ADK: variants seen among roughly 807,000 people sequenced by gnomAD.
The protein encoded by ADK is adenosine kinase.
A neutral mutation model predicts 44.7 loss-of-function variants in ADK; 24 were observed. The ratio of observed to expected loss-of-function variants is 0.54; its 90% confidence interval spans 0.39 to 0.76. The LOEUF is 0.76. Among genes scored for constraint, ADK ranks in the 30% least tolerant of loss-of-function variants. ADK has a pLI of 0.00. For missense variants in ADK, 321 were observed against 425.1 expected (o/e 0.76, Z 2.15); for synonymous variants, 128 against 142.6 (o/e 0.90, Z 0.73).
At chr10:74,546,597 A>G (rs1203371317) in intron 7 of ADK, among the ~76,000 whole-genome samples, 1 of 152,186 alleles carries the variant, frequency 6.6e-6, no homozygotes, top group Non-Finnish European at 1.5e-5. Context: ...CTAAATTTTA[A>G]GTTAGATCAT....
chr10:74,597,327 A>G (rs993755977), intron 8 of ADK, among the ~76,000 whole-genome samples: 6 of 152,210 alleles, frequency 3.9e-5, no homozygotes, highest in African/African-American at 1.4e-4. Context: ...CACCCAGTTT[A>G]CCCTAATATT....
chr10:74,201,095 A>G (rs185926184), intron 2 of ADK, among the ~76,000 whole-genome samples: 1 of 152,278 alleles, frequency 6.6e-6, no homozygotes, highest in African/African-American at 2.4e-5. Context: ...AGTTTATATA[A>G]TTTACCTAAT....
At chr10:74,509,196 A>T (rs1034397027) in intron 6 of ADK, among the ~76,000 whole-genome samples, 25 of 144,702 alleles carry the variant, frequency 1.7e-4, no homozygotes, top group African/African-American at 6.3e-4. Context: ...ATACATTATG[A>T]TTTTTTTTTT....
intron 3 of ADK, among the ~76,000 whole-genome samples, chr10:74,271,331 A>G: frequency 6.6e-6 from 1 of 152,006 alleles, no homozygotes; most frequent in Admixed American, 6.6e-5. Context: ...ACTTATTTAC[A>G]TTTTTATGCT....
At chr10:74,172,689 C>CAAAAAAAA (rs67914966) in intron 1 of ADK, among the ~76,000 whole-genome samples, 1 of 66,292 alleles carries the variant, frequency 1.5e-5, no homozygotes. Context: ...AACTCCATCT[C>CAAAAAAAA]AAAAAAAAAA....
chr10:74,334,262 T>C (rs1841334903), intron 4 of ADK, among the ~76,000 whole-genome samples: 1 of 152,184 alleles, frequency 6.6e-6, no homozygotes, highest in African/African-American at 2.4e-5. Flanking sequence ...TGACTGCCCT[T>C]TTTCCTGGGA....
At chr10:74,587,380 T>C (rs1392719696) in intron 7 of ADK, among the ~76,000 whole-genome samples, 2 of 152,236 alleles carry the variant, frequency 1.3e-5, no homozygotes, top group African/African-American at 4.8e-5. Context: ...GTTTCTCTAG[T>C]AAATAGCGTA....
intron 6 of ADK, among the ~76,000 whole-genome samples, chr10:74,483,497 A>T (rs73272223): frequency 0.024 from 3,683 of 152,280 alleles, 136 homozygotes; most frequent in African/African-American, 0.072. Flanking sequence ...TTACTTATGC[A>T]AATTTCTACA....
rs575746209 is a variant in ADK, at chr10:74,208,087, G to A, written c.140+7249G>A. ...TGTGACAGTGCCTGGGCTTGGCCAC[G>A]ACTTTGCTCCACCCTGGAGCAGGTG... On this transcript the variant is annotated intron_variant, in intron 2 of 10. Coordinates refer to ENST00000539909, the MANE Select transcript of ADK (RefSeq NM_006721.4). Among the ~76,000 whole-genome samples, 380 of 152,368 alleles carry A rather than the reference G, an allele frequency of 2.5e-3. 2 individuals are homozygous for A. Among genetic ancestry groups the A allele is most frequent in the Middle Eastern group, 0.014 (4 of 294 alleles).
intron 9 of ADK, among the ~76,000 whole-genome samples, chr10:74,662,432 C>T (rs983865613): frequency 5.3e-5 from 8 of 152,070 alleles, no homozygotes; most frequent in Non-Finnish European, 8.8e-5. Flanking sequence ...AGATGTGCAC[C>T]ACCACATCCA....
chr10:74,231,495 T>G (rs1591900680), intron 3 of ADK, among the ~76,000 whole-genome samples: 1 of 151,516 alleles, frequency 6.6e-6, no homozygotes, highest in South Asian at 2.1e-4. Flanking sequence ...TGAGACAAGA[T>G]CTAACTCTGT....
intron 6 of ADK, among the ~76,000 whole-genome samples, chr10:74,507,096 T>A (rs1276159091): frequency 1.3e-5 from 2 of 152,204 alleles, no homozygotes; most frequent in African/African-American, 4.8e-5. Context: ...ATTCTGAAGC[T>A]AGTACTTATT....
chr10:74,397,014 A>G (rs1283988950), intron 5 of ADK, among the ~76,000 whole-genome samples: 1 of 151,924 alleles, frequency 6.6e-6, no homozygotes, highest in Non-Finnish European at 1.5e-5. Flanking sequence ...GTAGTTTCCC[A>G]TCAAAAAGTA....
At position 74,594,914 on chromosome 10, in the gene ADK, G is replaced by A. The variant is rs183348950; in HGVS notation, c.763-5465G>A. Among the ~76,000 whole-genome samples, 787 of 152,158 alleles carry A rather than the reference G, an allele frequency of 5.2e-3. 2 individuals are homozygous for A. The highest frequency in any genetic ancestry group is 0.017 in the Middle Eastern group (5 of 294). On this transcript the variant is annotated intron_variant, in intron 8 of 10. Transcript: ENST00000539909. Reference sequence around the variant, plus strand: ...TATGGCCGGGTGTGGTGGCTCCCACGCCTGTAATCCCAGCACTTTGGGAGG... The same window carrying A: ...TATGGCCGGGTGTGGTGGCTCCCACACCTGTAATCCCAGCACTTTGGGAGG...
chr10:74,406,520 TAATAATAAGAAGAAGAAG>T (rs1234739959), intron 6 of ADK, among the ~76,000 whole-genome samples: 629 of 57,630 alleles, frequency 0.011, 9 homozygotes, highest in African/African-American at 0.025. Flanking sequence ...ATAATAATAA[TAATAATAAGAAGAAGAAG>T]AAGAAGAAGA....
chr10:74,456,169 C>G (rs147845319), intron 6 of ADK, among the ~76,000 whole-genome samples: 1 of 152,036 alleles, frequency 6.6e-6, no homozygotes, highest in South Asian at 2.1e-4. Context: ...GACTTGAACT[C>G]AGCTCTGGAC....
At chr10:74,169,233 G>T (rs1226858412) in intron 1 of ADK, among the ~76,000 whole-genome samples, 1 of 151,996 alleles carries the variant, frequency 6.6e-6, no homozygotes, top group African/African-American at 2.4e-5. Context: ...AAAGGAAAAA[G>T]AAAATATATT....
intron 9 of ADK, among the ~76,000 whole-genome samples, chr10:74,649,966 A>G (rs901642381): frequency 1.3e-5 from 2 of 152,254 alleles, no homozygotes; most frequent in Non-Finnish European, 2.9e-5. Flanking sequence ...TATATGGTCC[A>G]GTGTATGTTC....
intron 6 of ADK, among the ~76,000 whole-genome samples, chr10:74,496,684 G>A (rs941157963): frequency 6.6e-6 from 1 of 152,092 alleles, no homozygotes; most frequent in Non-Finnish European, 1.5e-5. Context: ...GCCCAGGCTG[G>A]TCTCAAACTC....
Sources: allele counts gnomAD v4.1 joint callset (sites outside exome capture counted in the v4.1 genomes callset), GRCh38; gene constraint gnomAD v4.1.1; transcripts MANE v1.5; gene names NCBI Gene and HGNC (gene_info 2026-07-23, HGNC 2026-07-21).